EXOC6B: variants seen among roughly 807,000 people sequenced by gnomAD.
The protein encoded by EXOC6B is exocyst complex component 6B.
A neutral mutation model predicts 113.5 loss-of-function variants in EXOC6B; 54 were observed. The ratio of observed to expected loss-of-function variants is 0.48; its 90% CI spans 0.38 to 0.60. The LOEUF (loss-of-function observed/expected upper bound fraction) is 0.60, where lower values mean the gene tolerates loss of function less well. Ranked by LOEUF, EXOC6B falls within the 20% of genes least tolerant of loss-of-function variation. EXOC6B has a pLI of 0.00. For synonymous variants in EXOC6B, 357 were observed against 339.0 expected (o/e 1.05, Z -0.58); for missense variants, 797 against 977.5 (o/e 0.82, Z 2.46).
chr2:72,595,673 G>A (rs1298794250), intron 6 of EXOC6B, among the ~76,000 whole-genome samples: 1 of 151,830 alleles, frequency 6.6e-6, no homozygotes, highest in African/African-American at 2.4e-5. Context: ...TCATAAAGGA[G>A]AGAAGTGACA....
At chr2:72,250,261 C>T (rs530466991) in intron 20 of EXOC6B, among the ~76,000 whole-genome samples, 1 of 152,306 alleles carries the variant, frequency 6.6e-6, no homozygotes, top group South Asian at 2.1e-4. Context: ...TGGTTGGAGC[C>T]TCTATTACAT....
chr2:72,381,042 C>G (rs1691650189), intron 18 of EXOC6B, among the ~76,000 whole-genome samples: 1 of 152,074 alleles, frequency 6.6e-6, no homozygotes, highest in Admixed American at 6.6e-5. Context: ...AGTTTAAGCC[C>G]CGGTGTGACC....
intron 6 of EXOC6B, among the ~76,000 whole-genome samples, chr2:72,650,162 G>T (rs995728013): frequency 1.3e-5 from 2 of 152,222 alleles, no homozygotes; most frequent in African/African-American, 4.8e-5. Flanking sequence ...GATCTAGGTT[G>T]TGTGCTCCTT....
At chr2:72,438,574 A>C (rs1696018531) in intron 18 of EXOC6B, among the ~76,000 whole-genome samples, 1 of 152,214 alleles carries the variant, frequency 6.6e-6, no homozygotes, top group Admixed American at 6.5e-5. Context: ...GTGCCACTGC[A>C]GTCAATACTG....
At chr2:72,767,012 G>A (rs1007544023) in intron 1 of EXOC6B, among the ~76,000 whole-genome samples, 1 of 150,600 alleles carries the variant, frequency 6.6e-6, no homozygotes, top group Non-Finnish European at 1.5e-5. Context: ...AGAGAACAAG[G>A]AAAGGACAGG....
At chr2:72,280,363 G>A (rs1032305132) in intron 20 of EXOC6B, among the ~76,000 whole-genome samples, 17 of 151,094 alleles carry the variant, frequency 1.1e-4, no homozygotes, top group African/African-American at 4.1e-4. Flanking sequence ...TTTTTTTTTA[G>A]AAAATGTCAA....
intron 18 of EXOC6B, among the ~76,000 whole-genome samples, chr2:72,422,300 G>A (rs1410600004): frequency 6.6e-6 from 1 of 152,240 alleles, no homozygotes. Flanking sequence ...TGAGTCTGGT[G>A]GGGACGTTGG....
intron 18 of EXOC6B, among the ~76,000 whole-genome samples, chr2:72,386,436 G>A (rs181681238): frequency 2.6e-5 from 4 of 152,196 alleles, no homozygotes; most frequent in Non-Finnish European, 5.9e-5. Flanking sequence ...TCCGAGGCAA[G>A]TCACAGACCT....
intron 18 of EXOC6B, among the ~76,000 whole-genome samples, chr2:72,446,209 A>G (rs1696567154): frequency 1.3e-5 from 2 of 152,162 alleles, no homozygotes; most frequent in Non-Finnish European, 2.9e-5. Context: ...TCCATTCACT[A>G]TAGAAAAAAC....
At chr2:72,260,767 A>G (rs1683665087) in intron 20 of EXOC6B, among the ~76,000 whole-genome samples, 1 of 152,206 alleles carries the variant, frequency 6.6e-6, no homozygotes, top group Non-Finnish European at 1.5e-5. Context: ...CACATGCAAG[A>G]GGGGATTCCA....
At chr2:72,596,009 A>G (rs1052834139) in intron 6 of EXOC6B, among the ~76,000 whole-genome samples, 11 of 152,312 alleles carry the variant, frequency 7.2e-5, no homozygotes, top group Middle Eastern at 3.4e-3. Context: ...AGTGGTGGAA[A>G]AAAGAAAAGG....
chr2:72,334,074 C>T (rs937079345), intron 20 of EXOC6B, among the ~76,000 whole-genome samples: 57 of 133,830 alleles, frequency 4.3e-4, no homozygotes, highest in African/African-American at 1.5e-3. Context: ...TTTAAACAGA[C>T]AAAAAAAAAA....
At chr2:72,295,407 A>G (rs907582773) in intron 20 of EXOC6B, among the ~76,000 whole-genome samples, 1 of 152,188 alleles carries the variant, frequency 6.6e-6, no homozygotes, top group Non-Finnish European at 1.5e-5. Flanking sequence ...AAGTTTTATA[A>G]GAGTTTTCAC....
intron 6 of EXOC6B, among the ~76,000 whole-genome samples, chr2:72,644,470 C>G (rs995965276): frequency 2.0e-5 from 3 of 151,912 alleles, no homozygotes; most frequent in African/African-American, 7.3e-5. Flanking sequence ...AAGAGCAACC[C>G]CAAGACACAT....
chr2:72,774,625 T>A (rs1683592709), intron 1 of EXOC6B, among the ~76,000 whole-genome samples: 1 of 152,222 alleles, frequency 6.6e-6, no homozygotes, highest in South Asian at 2.1e-4. Context: ...ACAGGAATGT[T>A]CACAGGAGTT....
intron 18 of EXOC6B, among the ~76,000 whole-genome samples, chr2:72,436,384 A>G (rs1695872887): frequency 6.6e-6 from 1 of 151,184 alleles, no homozygotes; most frequent in South Asian, 2.1e-4. Context: ...TCTCGGGGTT[A>G]CTCTTCTCAA....
chr2:72,412,807 CCTT>C (rs900852552), intron 18 of EXOC6B, among the ~76,000 whole-genome samples: 2 of 152,018 alleles, frequency 1.3e-5, no homozygotes, highest in Non-Finnish European at 2.9e-5. Flanking sequence ...CTCATCATCA[CCTT>C]TTTTAGACTA....
Position 72,302,209 on chromosome 2 carries a change from G to C in EXOC6B, c.2196+32738C>G, listed in dbSNP as rs146751319. Among the ~76,000 whole-genome samples, 113 of 152,206 alleles carry C rather than the reference G, an allele frequency of 7.4e-4. No individual in the cohort carries two copies. The East Asian group carries it at 0.013, about 17-fold the overall frequency. ...TGCACTATGGTCCAAGAGTGTGTTT[G>C]GTATGATTTTGATTCTTTTGCATTT... On this transcript the variant is annotated intron_variant, in intron 20 of 21. Coordinates refer to ENST00000272427, the MANE Select transcript of EXOC6B (RefSeq NM_015189.3).
In EXOC6B at chr2:72,401,494, CATATATATATATATATATATACATAT is replaced by C. The variant is rs1693157864; in HGVS notation, c.1981-21650_1981-21625del. On this transcript the variant is annotated intron_variant, in intron 18 of 21. Transcript: ENST00000272427. ...AAAAACACAGAAAATATTTTATATACATATATATATATATATATATACATATATACATATATATATATATATATATG... is the reference window on the plus strand; with the variant it reads ...AAAAACACAGAAAATATTTTATATACATACATATATATATATATATATATG... Among the ~76,000 whole-genome samples the C allele has an allele frequency of 1.7e-4, 10 of 59,644 alleles. 1 individual carries two copies. Among genetic ancestry groups the C allele is most frequent in the African/African-American group, 6.2e-4 (7 of 11,216 alleles). The allele number at this position is 59,644 out of a possible 152,430, so 39.1% of individuals were successfully genotyped here. A position where few individuals can be genotyped will look rare whatever the true frequency, so the allele number is the denominator to read the frequency against.
Sources: allele counts gnomAD v4.1 joint callset (sites outside exome capture counted in the v4.1 genomes callset), GRCh38; gene constraint gnomAD v4.1.1; transcripts MANE v1.5; gene names NCBI Gene and HGNC (gene_info 2026-07-23, HGNC 2026-07-21).